HYCC1: variants seen among roughly 807,000 people sequenced by gnomAD.
HYCC1 encodes the protein hyccin PI4KA lipid kinase complex subunit 1.
the HYCC1 span, among the ~76,000 whole-genome samples, chr7:22,980,240 C>T: frequency 1.3e-5 from 2 of 150,758 alleles, no homozygotes; most frequent in African/African-American, 4.9e-5. Context: ...TTAGAACCTG[C>T]TGTGTTCCTG....
the HYCC1 span, chr7:22,938,810 T>C: frequency 6.8e-6 from 1 of 146,478 alleles, no homozygotes; most frequent in Non-Finnish European, 1.5e-5. Context: ...AGGAACCCGT[T>C]AGAAATACAG....
At chr7:22,992,939 A>G in the HYCC1 span, among the ~76,000 whole-genome samples, 1 of 152,206 alleles carries the variant, frequency 6.6e-6, no homozygotes, top group African/African-American at 2.4e-5. Context: ...TTGAAGAACA[A>G]CAGAACTGTG....
the HYCC1 span, among the ~76,000 whole-genome samples, chr7:23,010,185 G>C: frequency 6.6e-6 from 1 of 152,126 alleles, no homozygotes; most frequent in African/African-American, 2.4e-5. Flanking sequence ...GAAATATACT[G>C]TCTTTAACAT....
At chr7:23,001,801 G>A in the HYCC1 span, among the ~76,000 whole-genome samples, 29,208 of 151,964 alleles carry the variant, frequency 0.19, 3,400 homozygotes, top group Non-Finnish European at 0.26. Flanking sequence ...GGGTGTGACT[G>A]AAGTTGAAAT....
At chr7:22,994,846 C>T in the HYCC1 span, among the ~76,000 whole-genome samples, 1 of 152,114 alleles carries the variant, frequency 6.6e-6, no homozygotes, top group African/African-American at 2.4e-5. Flanking sequence ...CCACAAGAAG[C>T]TACAGACACC....
chr7:23,012,481 G>A, the HYCC1 span, among the ~76,000 whole-genome samples: 2 of 152,084 alleles, frequency 1.3e-5, no homozygotes, highest in African/African-American at 2.4e-5. Flanking sequence ...AAGGATAAAC[G>A]AGCCAAATCC....
At chr7:23,002,160 A>T in the HYCC1 span, among the ~76,000 whole-genome samples, 14 of 68,178 alleles carry the variant, frequency 2.1e-4, no homozygotes, top group East Asian at 4.1e-4. Flanking sequence ...ATATATATAT[A>T]TATATATATA....
the HYCC1 span, chr7:22,976,937 A>G: frequency 1.6e-6 from 1 of 639,084 alleles, no homozygotes; most frequent in African/African-American, 1.8e-5. Context: ...TAGGCTGCCT[A>G]CCAAATTTTC....
chr7:22,980,823 A>C, the HYCC1 span, among the ~76,000 whole-genome samples: 3 of 152,226 alleles, frequency 2.0e-5, no homozygotes, highest in East Asian at 5.8e-4. Flanking sequence ...AGCTGATTTC[A>C]TAACAGACTT....
chr7:22,957,817 A>G, the HYCC1 span, among the ~76,000 whole-genome samples: 1 of 151,820 alleles, frequency 6.6e-6, no homozygotes, highest in Non-Finnish European at 1.5e-5. Flanking sequence ...CTTACATTCT[A>G]TAGTCCTATG....
chr7:22,908,450 C>A, the HYCC1 span, among the ~76,000 whole-genome samples: 1 of 152,154 alleles, frequency 6.6e-6, no homozygotes, highest in South Asian at 2.1e-4. Context: ...TTTTATTATG[C>A]CTCTATTCTG....
At chr7:23,000,698 CCA>C in the HYCC1 span, among the ~76,000 whole-genome samples, 1 of 151,994 alleles carries the variant, frequency 6.6e-6, no homozygotes, top group South Asian at 2.1e-4. Context: ...CATGTTTTTG[CCA>C]GTGGAATTTA....
the HYCC1 span, among the ~76,000 whole-genome samples, chr7:22,965,689 T>A: frequency 1.3e-5 from 2 of 151,974 alleles, no homozygotes; most frequent in African/African-American, 4.8e-5. Flanking sequence ...TGTAGTGGCA[T>A]GATCATGGCT....
At chr7:23,012,726 G>T in the HYCC1 span, among the ~76,000 whole-genome samples, 2 of 152,296 alleles carry the variant, frequency 1.3e-5, no homozygotes, top group East Asian at 1.9e-4. Context: ...GTCGGGGGAG[G>T]TGGGGTGCCT....
chr7:22,933,616 GA>G, the HYCC1 span, among the ~76,000 whole-genome samples: 1 of 151,298 alleles, frequency 6.6e-6, no homozygotes, highest in African/African-American at 2.4e-5. Flanking sequence ...TTGATCTTTT[GA>G]AAAAAAATCC....
the HYCC1 span, among the ~76,000 whole-genome samples, chr7:22,981,048 C>T: frequency 3.3e-5 from 5 of 152,160 alleles, no homozygotes; most frequent in Admixed American, 2.0e-4. Context: ...GATCTTGATT[C>T]AATCGCCAAC....
the HYCC1 span, among the ~76,000 whole-genome samples, chr7:22,911,974 A>G: frequency 6.6e-6 from 1 of 152,230 alleles, no homozygotes; most frequent in East Asian, 1.9e-4. Context: ...CCATAAAAAT[A>G]TATTCATTGG....
the HYCC1 span, among the ~76,000 whole-genome samples, chr7:22,987,364 A>G: frequency 6.6e-6 from 1 of 152,170 alleles, no homozygotes; most frequent in South Asian, 2.1e-4. Flanking sequence ...CCTCGCTAAC[A>G]CGGCAAGACC....
chr7:22,900,865 G>A, the HYCC1 span, among the ~76,000 whole-genome samples: 2 of 152,092 alleles, frequency 1.3e-5, no homozygotes, highest in African/African-American at 4.8e-5. Flanking sequence ...CTCTGTACAT[G>A]ATACCATCTT....
Sources: gnomAD v4.1 joint callset for allele counts (sites outside exome capture counted in the v4.1 genomes callset) on GRCh38, gnomAD v4.1.1 for gene constraint, MANE v1.5 for transcripts, NCBI Gene and HGNC (gene_info 2026-07-23, HGNC 2026-07-21) for gene names.